Variants in RAB37 observed in about 807,000 individuals in gnomAD.
The protein encoded by RAB37 is ras-related protein Rab-37.
Under a neutral mutation model 33.1 loss-of-function variants are expected in RAB37, and 29 were observed. The ratio of observed to expected loss-of-function variants is 0.88; its 90% CI spans 0.65 to 1.20. RAB37 has a LOEUF of 1.20. Among genes scored for constraint, RAB37 ranks in the 50% most tolerant of loss-of-function variants. RAB37 has a pLI of 0.00. For missense variants in RAB37, 299 were observed against 301.1 expected (o/e 0.99, Z 0.05); for synonymous variants, 128 against 119.5 (o/e 1.07, Z -0.47).
At position 74,671,348 on chromosome 17, in the gene RAB37, C is replaced by A. The variant is rs1598171595; in HGVS notation, c.-239C>A. 3 of 540,434 alleles carry A rather than the reference C, an allele frequency of 5.6e-6. No individual in the cohort carries two copies. The highest frequency in any genetic ancestry group is 2.9e-5 in the East Asian group (1 of 34,320). The allele number at this position is 540,434 out of a possible 1,614,324, so 33.5% of individuals were successfully genotyped here. Reference sequence around the variant, plus strand: ...TCTCAGAACTCTGGTCCCGGGCGCACAACGGCGGAGTCGCTGTTCCTGGTG... The same window carrying A: ...TCTCAGAACTCTGGTCCCGGGCGCAAAACGGCGGAGTCGCTGTTCCTGGTG... On this transcript the variant is annotated 5_prime_UTR_variant, in exon 1 of 8. Transcript: ENST00000340415. This position sits in a 1 kb window ranked among gnomAD's most constrained non-coding sequence, Gnocchi z 5.0.
At chr17:74,705,815 A>G (rs9903991) in intron 1 of RAB37, among the ~76,000 whole-genome samples, 99,728 of 151,970 alleles carry the variant, frequency 0.66, 36,018 homozygotes, top group Middle Eastern at 0.84. Context: ...AGCTGGTCTC[A>G]AACTCCCGGG....
intron 1 of RAB37, among the ~76,000 whole-genome samples, chr17:74,716,197 G>T (rs934005551): frequency 2.6e-5 from 4 of 152,206 alleles, no homozygotes; most frequent in African/African-American, 9.6e-5. Context: ...ACACAAGCCA[G>T]TTATATCCCT....
rs368430072 is a variant in RAB37 at position 74,725,486 on chromosome 17, A to G, written c.73-3770A>G. On this transcript the variant is annotated intron_variant, in intron 1 of 7. Transcript: ENST00000340415. ...TTTGGCCATGTGGACACCTCGCTTC[A>G]TGGGGAGGAGCACAGAGAAGGAGCA... is the stretch of plus-strand genomic sequence containing the variant. 2.6e-4 allele frequency among the ~76,000 whole-genome samples: 40 copies of G among 152,280 alleles called. No homozygotes were observed. In the South Asian group the frequency reaches 7.5e-3, roughly 28 times the overall value.
chr17:74,677,527 A>G (rs2031861356), intron 1 of RAB37: 1 of 152,202 alleles, frequency 6.6e-6, no homozygotes, highest in Admixed American at 6.5e-5. Context: ...CACTAGTTCC[A>G]ATTCTCAAAG....
At chr17:74,701,988 TCAAGTCTGAGCTACAGAGCAAGA>T (rs2033095061) in intron 1 of RAB37, among the ~76,000 whole-genome samples, 7 of 151,280 alleles carry the variant, frequency 4.6e-5, no homozygotes, top group Admixed American at 4.6e-4. Context: ...CACCATGCAC[TCAAGTCTGAGCTACAGAGCAAGA>T]CTGTCTAAAA....
chr17:74,742,390 C>T lies in RAB37; in HGVS notation c.246+95C>T. 1.0e-6 allele frequency: 1 copy of T among 979,194 alleles called. No individual in the cohort carries two copies. The allele number at this position is 979,194 out of a possible 1,614,324, so 60.7% of individuals were successfully genotyped here. On this transcript the variant is annotated intron_variant, in intron 3 of 8. Coordinates refer to ENST00000392613, the MANE Select transcript of RAB37 (RefSeq NM_001006638.3). This position sits in a 1 kb window ranked among gnomAD's most constrained non-coding sequence, Gnocchi z 4.0. ...GGAGGCCTGCAGCCCTGCCCTCCGC[C>T]TGGGGCAATTTCCTGTGGGGCCCAC...
intron 1 of RAB37, chr17:74,704,325 C>A: frequency 3.2e-6 from 2 of 630,742 alleles, no homozygotes; most frequent in Admixed American, 2.9e-5. Context: ...AGAGGCCCTG[C>A]TCCCCCAGTC....
chr17:74,736,584 G>T, upstream of RAB37: 1 of 1,523,018 alleles, frequency 6.6e-7, no homozygotes, highest in Non-Finnish European at 8.8e-7. Flanking sequence ...TGTGTGCTGC[G>T]CAGCCCTCTT....
Position 74,671,782 on chromosome 17 carries a change from G to A in RAB37, c.72+124G>A, listed in dbSNP as rs2031712260. ...ACTAGCTTGTATCTGTGAGTCTGGG[G>A]AGCCCTTTCTGTCTGATCCTGTTTC... On this transcript the variant is annotated intron_variant, in intron 1 of 7. Coordinates refer to the RAB37 transcript ENST00000340415. This position sits in a 1 kb window ranked among gnomAD's most constrained non-coding sequence, Gnocchi z 5.0. The A allele has an allele frequency of 1.2e-6, 1 of 831,008 alleles. No homozygotes were observed. The highest frequency in any genetic ancestry group is 2.0e-6 in the Non-Finnish European group (1 of 508,468). The allele number at this position is 831,008 out of a possible 1,614,324, so 51.5% of individuals were successfully genotyped here. A position where few individuals can be genotyped will look rare whatever the true frequency, so the allele number is the denominator to read the frequency against.
intron 1 of RAB37, among the ~76,000 whole-genome samples, chr17:74,689,044 G>A (rs765628784): frequency 1.3e-5 from 2 of 152,192 alleles, no homozygotes; most frequent in East Asian, 1.9e-4. Flanking sequence ...GCTCAAACCC[G>A]TAATCTCAGC....
chr17:74,703,431 C>T (rs2033240273), intron 1 of RAB37, among the ~76,000 whole-genome samples: 1 of 152,138 alleles, frequency 6.6e-6, no homozygotes, highest in African/African-American at 2.4e-5. Flanking sequence ...CTTGAGCAAC[C>T]TGCTGCTTAT....
At chr17:74,696,497 C>G (rs1471209015) in intron 1 of RAB37, among the ~76,000 whole-genome samples, 1 of 152,222 alleles carries the variant, frequency 6.6e-6, no homozygotes. Context: ...GGTGGCCCTG[C>G]CAGCCATCGG....
In RAB37 at chr17:74,671,865, T is replaced by G. The variant is rs934982770; in HGVS notation, c.72+207T>G. ...GAAGGGCTGCCGCCAGAGGCTCAGA[T>G]GGTCAGAAGCTTCATTCATTCACTT... On this transcript the variant is annotated intron_variant, in intron 1 of 7. Transcript: ENST00000340415. The surrounding 1 kb of genome is among the most constrained non-coding windows in gnomAD (Gnocchi z 5.0). 6.6e-6 allele frequency among the ~76,000 whole-genome samples: 1 copy of G among 152,208 alleles called. No individual in the cohort carries two copies. Among genetic ancestry groups the G allele is most frequent in the Non-Finnish European group, 1.5e-5 (1 of 68,040 alleles).
chr17:74,695,692 C>T (rs1188205795), intron 1 of RAB37: 4 of 1,613,746 alleles, frequency 2.5e-6, no homozygotes, highest in African/African-American at 2.7e-5. Flanking sequence ...TCCCCCTGCC[C>T]CAGCCTCACA....
intron 1 of RAB37, among the ~76,000 whole-genome samples, chr17:74,724,773 A>G (rs78276801): frequency 0.027 from 4,151 of 152,312 alleles, 160 homozygotes; most frequent in Admixed American, 0.096. Context: ...TACATTGACC[A>G]GTTAGGGTGG....
At chr17:74,695,001 C>G in intron 1 of RAB37, 1 of 1,360,120 alleles carries the variant, frequency 7.4e-7, no homozygotes, top group Non-Finnish European at 1.0e-6. Flanking sequence ...CACCAGTCCC[C>G]GGGTTGGTCC....
rs147155947 is a variant in RAB37 at position 74,715,849 on chromosome 17, G to T, written c.73-13407G>T. ...TCAGGACCAGCCTGGCCAACATGTC[G>T]AAACCCCATCTCTACTAAAAAATAC... On this transcript the variant is annotated intron_variant, in intron 1 of 7. Coordinates refer to the RAB37 transcript ENST00000340415. Among the ~76,000 whole-genome samples the T allele has an allele frequency of 2.9e-3, 435 of 152,124 alleles. 2 individuals carry two copies. The highest frequency in any genetic ancestry group is 0.014 in the Middle Eastern group (4 of 294).
chr17:74,702,055 T>TA (rs368199310), intron 1 of RAB37, among the ~76,000 whole-genome samples: 1,687 of 146,294 alleles, frequency 0.012, 15 homozygotes, highest in African/African-American at 0.032. Flanking sequence ...AAGTTTAATT[T>TA]AAAAAAAAAA....
At chr17:74,688,566 AG>A (rs2032099538) in intron 1 of RAB37, among the ~76,000 whole-genome samples, 1 of 150,546 alleles carries the variant, frequency 6.6e-6, no homozygotes, top group African/African-American at 2.4e-5. Flanking sequence ...AAAAAAAAAA[AG>A]AAAAGAAAAG....
Sources: allele counts gnomAD v4.1 joint callset (sites outside exome capture counted in the v4.1 genomes callset), GRCh38; gene constraint gnomAD v4.1.1; non-coding constraint Gnocchi (gnomAD v3.1); transcripts MANE v1.5; gene names NCBI Gene and HGNC (gene_info 2026-07-23, HGNC 2026-07-21).